Variants in EYS observed in about 807,000 individuals in gnomAD.
EYS encodes protein eyes shut homolog.
Under a neutral mutation model 282.1 loss-of-function variants are expected in EYS, and 250 were observed. The observed-to-expected ratio is 0.89, with a 90% CI of 0.80 to 0.98. EYS has a LOEUF of 0.98. EYS is among the 50% of genes least tolerant of loss of function. The probability of loss-of-function intolerance (pLI) is 0.00; values close to 1 mark genes in which losing one functional copy is unlikely to be tolerated. For synonymous variants in EYS, 1,355 were observed against 1,282.9 expected (o/e 1.06, Z -1.20); for missense variants, 4,016 against 3,709.0 (o/e 1.08, Z -2.15).
intron 26 of EYS, among the ~76,000 whole-genome samples, chr6:64,481,938 A>C (rs1332486892): frequency 6.6e-6 from 1 of 151,734 alleles, no homozygotes; most frequent in East Asian, 1.9e-4. Flanking sequence ...CTAATACCAA[A>C]AAAGAAACTC....
intron 26 of EYS, among the ~76,000 whole-genome samples, chr6:64,469,780 C>T (rs1175360362): frequency 6.6e-6 from 1 of 152,202 alleles, no homozygotes; most frequent in African/African-American, 2.4e-5. Flanking sequence ...ATTAGTCAGG[C>T]CCACCCACAG....
chr6:64,866,914 A>T (rs1166544678), intron 19 of EYS, among the ~76,000 whole-genome samples: 6 of 151,922 alleles, frequency 3.9e-5, no homozygotes, highest in African/African-American at 1.4e-4. Context: ...TCAGTTCATC[A>T]TTAGTTAAAA....
intron 2 of EYS, among the ~76,000 whole-genome samples, chr6:65,592,874 T>G (rs571528814): frequency 1.3e-5 from 2 of 152,010 alleles, no homozygotes; most frequent in South Asian, 4.1e-4. Context: ...AACTTAACAT[T>G]GGCTTTATTC....
intron 8 of EYS, 47 bp downstream of exon 8, chr6:65,384,339 T>A (rs758266694): frequency 9.9e-7 from 1 of 1,014,672 alleles, no homozygotes; most frequent in Non-Finnish European, 1.6e-6. Flanking sequence ...CTGAGTCTAT[T>A]GTATTTTGAA....
intron 31 of EYS, among the ~76,000 whole-genome samples, chr6:64,082,370 AT>A (rs1772002946): frequency 6.6e-6 from 1 of 152,052 alleles, no homozygotes; most frequent in Non-Finnish European, 1.5e-5. Context: ...TTGTTTGTTA[AT>A]TTTTAATTTT....
intron 8 of EYS, among the ~76,000 whole-genome samples, chr6:65,361,490 T>TTC (rs1764707310): frequency 7.1e-6 from 1 of 140,696 alleles, no homozygotes; most frequent in South Asian, 2.3e-4. Context: ...CGTTCGTTCC[T>TTC]TTTTTTTTTG....
intron 29 of EYS, among the ~76,000 whole-genome samples, chr6:64,347,017 A>G (rs1253978632): frequency 6.6e-6 from 1 of 151,446 alleles, no homozygotes; most frequent in South Asian, 2.1e-4. Flanking sequence ...GATTCCATTT[A>G]TAATCTTTAA....
intron 26 of EYS, among the ~76,000 whole-genome samples, chr6:64,557,994 A>G (rs1195030572): frequency 6.6e-6 from 1 of 152,098 alleles, no homozygotes. Flanking sequence ...AACATTTGTG[A>G]TACTACAGAC....
intron 2 of EYS, among the ~76,000 whole-genome samples, chr6:65,615,400 ATG>A (rs71002323): frequency 0.11 from 14,125 of 132,594 alleles, 840 homozygotes; most frequent in South Asian, 0.19. Context: ...ATATATATAT[ATG>A]TGTGTGTATA....
chr6:64,904,246 T>C, intron 16 of EYS, among the ~76,000 whole-genome samples: 1 of 152,186 alleles, frequency 6.6e-6, no homozygotes, highest in East Asian at 1.9e-4. Context: ...ATATTTTTAA[T>C]TTGCCTTATT....
rs578107556 is a variant in EYS at position 64,494,268 on chromosome 6, C to T, written c.5645-54916G>A. On this transcript the variant is annotated intron_variant, in intron 26 of 42. Coordinates refer to ENST00000503581, the MANE Select transcript of EYS (RefSeq NM_001142800.2). ...AGAGCAGCTAAAGTTATTTTTAATG[C>T]AATCTGATTATGGCACTTGGATTAT... is the stretch of plus-strand genomic sequence containing the variant. 3.6e-4 allele frequency among the ~76,000 whole-genome samples: 55 copies of T among 151,698 alleles called. 2 individuals carry two copies. In the South Asian group the frequency reaches 0.011, roughly 31 times the overall value.
At chr6:64,695,157 G>A (rs749381858) in intron 22 of EYS, among the ~76,000 whole-genome samples, 8 of 152,012 alleles carry the variant, frequency 5.3e-5, no homozygotes, top group Admixed American at 6.6e-5. Flanking sequence ...TAGAGGCAGA[G>A]CATAGGACTG....
chr6:64,769,101 A>T (rs150515643), intron 22 of EYS, among the ~76,000 whole-genome samples: 84 of 152,202 alleles, frequency 5.5e-4, no homozygotes, highest in African/African-American at 1.9e-3. Flanking sequence ...AACCTACATT[A>T]CTTTTTTATC....
At chr6:65,081,010 C>A (rs963055352) in intron 12 of EYS, among the ~76,000 whole-genome samples, 4 of 152,034 alleles carry the variant, frequency 2.6e-5, no homozygotes, top group African/African-American at 9.7e-5. Context: ...AATGCTCTTA[C>A]TCAAACCACA....
At chr6:65,657,353 C>T (rs1022680637) in intron 1 of EYS, among the ~76,000 whole-genome samples, 7 of 151,714 alleles carry the variant, frequency 4.6e-5, no homozygotes, top group African/African-American at 1.2e-4. Flanking sequence ...AGGGATCTTC[C>T]GGAAAAGATT....
intron 12 of EYS, among the ~76,000 whole-genome samples, chr6:65,194,519 T>C (rs756675677): frequency 3.9e-5 from 6 of 152,022 alleles, no homozygotes; most frequent in African/African-American, 7.2e-5. Context: ...TTCCACCCCT[T>C]GTGTTTTCCT....
At chr6:64,556,915 T>A (rs1765251336) in intron 26 of EYS, among the ~76,000 whole-genome samples, 2 of 151,914 alleles carry the variant, frequency 1.3e-5, no homozygotes, top group South Asian at 4.1e-4. Context: ...TTTTTCAATA[T>A]GACTGTTAAC....
At chr6:64,070,899 C>A (rs954507662) in intron 32 of EYS, among the ~76,000 whole-genome samples, 2 of 152,020 alleles carry the variant, frequency 1.3e-5, no homozygotes, top group African/African-American at 4.8e-5. Context: ...ACTTTTACAC[C>A]ATGAGCGAAA....
intron 34 of EYS, among the ~76,000 whole-genome samples, chr6:63,987,788 G>C (rs1038898724): frequency 3.3e-5 from 5 of 151,710 alleles, no homozygotes; most frequent in Middle Eastern, 3.4e-3. Context: ...TAAGTTAGGG[G>C]TCTGGTGGGA....
Sources: gnomAD v4.1 joint callset for allele counts (sites outside exome capture counted in the v4.1 genomes callset) on GRCh38, gnomAD v4.1.1 for gene constraint, MANE v1.5 for transcripts, NCBI Gene and HGNC (gene_info 2026-07-23, HGNC 2026-07-21) for gene names.